NDUFB3: variants seen among roughly 807,000 people sequenced by gnomAD.
NDUFB3 encodes NADH:ubiquinone oxidoreductase subunit B3, also known as NADH dehydrogenase [ubiquinone] 1 beta subcomplex subunit 3.
A neutral mutation model predicts 9.0 loss-of-function variants in NDUFB3; 7 were observed. The ratio of observed to expected loss-of-function variants is 0.78; its 90% CI spans 0.44 to 1.46. The LOEUF is 1.46. Ranked by LOEUF, NDUFB3 falls within the 40% of genes most tolerant of loss-of-function variation. NDUFB3 has a pLI of 0.01. For synonymous variants in NDUFB3, 29 were observed against 38.5 expected (o/e 0.75, Z 0.91); for missense variants, 93 against 115.4 (o/e 0.81, Z 0.89).
intron 2 of NDUFB3, among the ~76,000 whole-genome samples, chr2:201,082,739 C>T (rs1346124509): frequency 2.2e-4 from 28 of 126,832 alleles, no homozygotes; most frequent in Admixed American, 1.2e-3. Flanking sequence ...CGGAGTCTCA[C>T]TCTGTCGCCC....
rs534968379 is a variant in NDUFB3 at position 201,085,443 on chromosome 2, CTT to C, written c.141-6_141-5del. 5.8e-5 allele frequency: 70 copies of C among 1,204,104 alleles called. No individual in the cohort carries two copies. The highest frequency in any genetic ancestry group is 2.1e-4 in the Middle Eastern group (1 of 4,696). The allele number at this position is 1,204,104 out of a possible 1,614,324, so 74.6% of individuals were successfully genotyped here. On this transcript the variant is annotated splice_polypyrimidine_tract_variant and intron_variant, in intron 2 of 2. Transcript: ENST00000237889. ...ACGTTGTGTATGATTATAATTTTTT[CTT>C]TTTTTTTTTCTAGCAATGAAGCTTG...
intron 1 of NDUFB3, 68 bp from the exon 2 acceptor site, chr2:201,078,813 C>A: frequency 7.2e-7 from 1 of 1,397,796 alleles, no homozygotes. Context: ...AAAACATAAA[C>A]AATAAATTTG....
chr2:201,084,661 C>G (rs1010976188), intron 2 of NDUFB3, among the ~76,000 whole-genome samples: 4 of 152,150 alleles, frequency 2.6e-5, no homozygotes, highest in African/African-American at 9.7e-5. Flanking sequence ...AGAATATTTG[C>G]ATCTATGTTC....
chr2:201,076,086 A>AT (rs918277055), intron 1 of NDUFB3, among the ~76,000 whole-genome samples: 2 of 152,082 alleles, frequency 1.3e-5, no homozygotes, highest in Non-Finnish European at 2.9e-5. Flanking sequence ...TGACACCATA[A>AT]TTTTTTTCCT....
Position 201,085,560 on chromosome 2 carries a change from C to T in NDUFB3, c.242C>T (p.Ala81Val). 6.2e-7 allele frequency: 1 copy of T among 1,612,340 alleles called. No homozygotes were observed. The highest frequency in any genetic ancestry group is 8.5e-7 in the Non-Finnish European group (1 of 1,179,140). Residue 81 changes from alanine to valine, a missense_variant, in exon 3 of 3, where the codon GCT becomes GTT. Coordinates refer to ENST00000237889, the MANE Select transcript of NDUFB3 (RefSeq NM_002491.3). Reference sequence around the variant, plus strand: ...TGGGGATTTGCTGCATTTGTGGTAGCTGTAGGAGCTGAATATTACCTGGAG... The same window carrying T: ...TGGGGATTTGCTGCATTTGTGGTAGTTGTAGGAGCTGAATATTACCTGGAG... ...FKWGFAAFVVAVGAEYYLESL... is the reference protein window; with the variant it reads ...FKWGFAAFVVVVGAEYYLESL...
intron 1 of NDUFB3, among the ~76,000 whole-genome samples, chr2:201,072,849 G>A (rs1243908971): frequency 6.6e-6 from 1 of 152,090 alleles, no homozygotes; most frequent in Non-Finnish European, 1.5e-5. Context: ...AGAAAATAAA[G>A]CATTGCCAAT....
intron 1 of NDUFB3, among the ~76,000 whole-genome samples, chr2:201,077,317 G>A (rs1431707212): frequency 6.6e-6 from 1 of 152,084 alleles, no homozygotes; most frequent in East Asian, 1.9e-4. Context: ...GTGTTACTAA[G>A]CCATACCCCT....
intron 1 of NDUFB3, among the ~76,000 whole-genome samples, chr2:201,074,460 T>TG (rs2047137432): frequency 6.8e-6 from 1 of 147,692 alleles, no homozygotes; most frequent in African/African-American, 2.5e-5. Context: ...TCAGCTTTTT[T>TG]TTTTTTTTTT....
At chr2:201,079,938 A>T (rs1402650415) in intron 2 of NDUFB3, 1 of 152,146 alleles carries the variant, frequency 6.6e-6, no homozygotes, top group Non-Finnish European at 1.5e-5. Context: ...AAGGTTTGCA[A>T]ATGTTTTTTC....
chr2:201,073,532 G>A (rs981712990), intron 1 of NDUFB3, among the ~76,000 whole-genome samples: 8 of 152,192 alleles, frequency 5.3e-5, no homozygotes, highest in African/African-American at 1.9e-4. Flanking sequence ...ACTTTGGGTG[G>A]CCGAGGCAGG....
intron 1 of NDUFB3, 69 bp from the exon 2 acceptor site, chr2:201,078,812 A>G (rs1047992025): frequency 3.5e-6 from 5 of 1,425,586 alleles, no homozygotes; most frequent in African/African-American, 1.5e-5. Context: ...TAAAACATAA[A>G]CAATAAATTT....
intron 1 of NDUFB3, among the ~76,000 whole-genome samples, chr2:201,072,767 G>T (rs2047099857): frequency 6.6e-6 from 1 of 151,788 alleles, no homozygotes. Flanking sequence ...TATACAGAAG[G>T]GTGTATAAAA....
chr2:201,072,876 T>C (rs114710676), intron 1 of NDUFB3, among the ~76,000 whole-genome samples: 2,814 of 152,238 alleles, frequency 0.018, 35 homozygotes, highest in African/African-American at 0.028. Flanking sequence ...GAACATGCAG[T>C]CTTAACAGGG....
chr2:201,074,854 G>T (rs1028366338), intron 1 of NDUFB3, among the ~76,000 whole-genome samples: 1 of 152,118 alleles, frequency 6.6e-6, no homozygotes, highest in African/African-American at 2.4e-5. Context: ...ATCACAATGT[G>T]TTTTCCTCAG....
intron 2 of NDUFB3, among the ~76,000 whole-genome samples, chr2:201,082,016 C>T (rs993847796): frequency 2.6e-5 from 4 of 151,786 alleles, no homozygotes; most frequent in Non-Finnish European, 5.9e-5. Context: ...TGGGGTTTCA[C>T]TGTGTTAGCC....
chr2:201,080,045 A>G (rs995827490), intron 2 of NDUFB3: 2 of 152,084 alleles, frequency 1.3e-5, no homozygotes, highest in African/African-American at 4.8e-5. Context: ...AAATTTTACA[A>G]TGTATCCTTT....
intron 1 of NDUFB3, among the ~76,000 whole-genome samples, chr2:201,077,775 C>T (rs908217218): frequency 6.6e-5 from 10 of 152,118 alleles, no homozygotes; most frequent in Non-Finnish European, 1.0e-4. Flanking sequence ...GTTTTCTCTT[C>T]CTATAAATGT....
intron 1 of NDUFB3, 159 bp downstream of exon 1, chr2:201,072,218 G>C (rs2047084900): frequency 6.6e-6 from 1 of 152,254 alleles, no homozygotes; most frequent in Non-Finnish European, 1.5e-5. Context: ...CTAGTTTAGA[G>C]TTGGGGTAGG....
At chr2:201,083,878 A>G (rs1438077747) in intron 2 of NDUFB3, among the ~76,000 whole-genome samples, 2 of 151,976 alleles carry the variant, frequency 1.3e-5, no homozygotes, top group Non-Finnish European at 2.9e-5. Flanking sequence ...TATTTGCACC[A>G]GGTGTGGTGG....
Sources: gnomAD v4.1 joint callset for allele counts (sites outside exome capture counted in the v4.1 genomes callset) on GRCh38, gnomAD v4.1.1 for gene constraint, MANE v1.5 for transcripts, NCBI Gene and HGNC (gene_info 2026-07-23, HGNC 2026-07-21) for gene names.